CCDC7: variants seen among roughly 807,000 people sequenced by gnomAD.
CCDC7 encodes the protein coiled-coil domain-containing protein 7.
Under a neutral mutation model 196.9 loss-of-function variants are expected in CCDC7, and 183 were observed. The ratio of observed to expected loss-of-function variants is 0.93; its 90% CI spans 0.82 to 1.05. CCDC7 has a LOEUF of 1.05. Ranked by LOEUF, CCDC7 falls within the 50% of genes least tolerant of loss-of-function variation. The probability of loss-of-function intolerance (pLI) is 0.00; values close to 1 mark genes in which losing one functional copy is unlikely to be tolerated. For missense variants in CCDC7, 1,540 were observed against 1,482.2 expected (o/e 1.04, Z -0.64); for synonymous variants, 525 against 484.6 (o/e 1.08, Z -1.10).
At chr10:32,607,127 G>A (rs2061635020) in intron 18 of CCDC7, among the ~76,000 whole-genome samples, 2 of 152,184 alleles carry the variant, frequency 1.3e-5, no homozygotes, top group Middle Eastern at 3.4e-3. Flanking sequence ...CATCTCCCCT[G>A]ACCCATCTTG....
chr10:32,705,010 G>T (rs747885241), intron 24 of CCDC7, among the ~76,000 whole-genome samples: 1 of 152,038 alleles, frequency 6.6e-6, no homozygotes, highest in Non-Finnish European at 1.5e-5. Context: ...AGTGCGCTGC[G>T]CCCACTGTCC....
intron 28 of CCDC7, among the ~76,000 whole-genome samples, chr10:32,761,087 C>T (rs926773171): frequency 1.3e-5 from 2 of 151,978 alleles, no homozygotes; most frequent in Middle Eastern, 3.2e-3. Flanking sequence ...TTATGGCACT[C>T]CCAATCATTG....
intron 18 of CCDC7, among the ~76,000 whole-genome samples, chr10:32,595,508 T>C (rs962249551): frequency 2.6e-5 from 4 of 152,328 alleles, no homozygotes; most frequent in Non-Finnish European, 5.9e-5. Context: ...CCTGGATTCA[T>C]TGATTTTTTG....
chr10:32,495,524 G>A (rs2042781126), intron 9 of CCDC7, among the ~76,000 whole-genome samples: 1 of 152,116 alleles, frequency 6.6e-6, no homozygotes, highest in Admixed American at 6.5e-5. Context: ...ATGGTTTTAG[G>A]TCTTACGTTT....
At chr10:32,689,569 G>A (rs914478459) in intron 23 of CCDC7, among the ~76,000 whole-genome samples, 2 of 152,100 alleles carry the variant, frequency 1.3e-5, no homozygotes, top group African/African-American at 4.8e-5. Flanking sequence ...CCTAGGGAAA[G>A]GTAACCTAGG....
intron 28 of CCDC7, among the ~76,000 whole-genome samples, chr10:32,746,419 G>A (rs972549402): frequency 1.3e-5 from 2 of 152,208 alleles, no homozygotes; most frequent in Admixed American, 1.3e-4. Context: ...AGGGGTCTAG[G>A]CTGTGTGGAT....
intron 5 of CCDC7, among the ~76,000 whole-genome samples, chr10:32,470,180 T>TG (rs2037653268): frequency 6.6e-6 from 1 of 152,204 alleles, no homozygotes; most frequent in Non-Finnish European, 1.5e-5. Context: ...ATGAAGTCTC[T>TG]GTTCTAAATC....
At chr10:32,671,350 TTAGTA>T (rs1203464881) in intron 21 of CCDC7, among the ~76,000 whole-genome samples, 1 of 152,198 alleles carries the variant, frequency 6.6e-6, no homozygotes, top group Non-Finnish European at 1.5e-5. Flanking sequence ...AATACAGTAT[TTAGTA>T]TAGTAACATA....
chr10:32,578,066 T>TA (rs1450263205), intron 16 of CCDC7, among the ~76,000 whole-genome samples: 3 of 152,228 alleles, frequency 2.0e-5, no homozygotes, highest in East Asian at 3.8e-4. Context: ...GTTTGAAAGA[T>TA]ACGGCAAAAT....
chr10:32,828,473 GGAAGAGGAAGAGGAAGAA>G (rs1565633768), intron 32 of CCDC7, among the ~76,000 whole-genome samples: 3 of 45,336 alleles, frequency 6.6e-5, no homozygotes. Flanking sequence ...AAGAGGAAGA[GGAAGAGGAAGAGGAAGAA>G]GAAGAAGAAG....
chr10:32,805,985 G>A lies in CCDC7; in HGVS notation c.3097+887G>A, dbSNP rs536822770. On this transcript the variant is annotated intron_variant, in intron 30 of 41. Coordinates refer to ENST00000639629, the Ensembl canonical transcript of CCDC7. Reference sequence around the variant, plus strand: ...TTACATGACAAGAGCAGGAGCAAGAGAAAGAAGGGGGAAGGTGCTACATAC... The same window carrying A: ...TTACATGACAAGAGCAGGAGCAAGAAAAAGAAGGGGGAAGGTGCTACATAC... Among the ~76,000 whole-genome samples, 4 of 152,278 alleles carry A rather than the reference G, an allele frequency of 2.6e-5. No homozygotes were observed. In the South Asian group the frequency reaches 6.2e-4, roughly 24 times the overall value.
At chr10:32,815,312 T>A (rs570543403) in intron 31 of CCDC7, among the ~76,000 whole-genome samples, 2 of 152,164 alleles carry the variant, frequency 1.3e-5, no homozygotes, top group South Asian at 4.2e-4. Flanking sequence ...ATAATAATAA[T>A]AATATCATCA....
At chr10:32,694,407 T>C (rs192014410) in intron 23 of CCDC7, among the ~76,000 whole-genome samples, 1 of 152,354 alleles carries the variant, frequency 6.6e-6, no homozygotes, top group East Asian at 1.9e-4. Flanking sequence ...AAAATGGGTT[T>C]CATTATGTGT....
chr10:32,516,140 A>G lies in CCDC7; in HGVS notation c.873-1805A>G, dbSNP rs116864551. 5.4e-4 allele frequency among the ~76,000 whole-genome samples: 82 copies of G among 152,358 alleles called. 1 individual carries two copies. The highest frequency in any genetic ancestry group is 6.2e-4 in the South Asian group (3 of 4,830). ...TATCTGCTAAAGTACTTAGAAGAAT[A>G]TATAAAGAACTCTTATACCTCAATA... is the stretch of plus-strand genomic sequence containing the variant. On this transcript the variant is annotated intron_variant, in intron 9 of 41. Coordinates refer to ENST00000639629, the Ensembl canonical transcript of CCDC7.
chr10:32,715,308 C>T (rs937191208), intron 25 of CCDC7, among the ~76,000 whole-genome samples: 1 of 152,088 alleles, frequency 6.6e-6, no homozygotes, highest in African/African-American at 2.4e-5. Context: ...GAAGAGGGGC[C>T]GGACTGTTAG....
intron 29 of CCDC7, among the ~76,000 whole-genome samples, chr10:32,787,918 G>A (rs1037340952): frequency 6.6e-6 from 1 of 152,216 alleles, no homozygotes; most frequent in African/African-American, 2.4e-5. Flanking sequence ...TACAGATGGA[G>A]CCTTCAGGCC....
At chr10:32,582,305 T>C (rs1006161966) in intron 16 of CCDC7, among the ~76,000 whole-genome samples, 3 of 151,782 alleles carry the variant, frequency 2.0e-5, no homozygotes, top group African/African-American at 7.3e-5. Flanking sequence ...TTAAACACTT[T>C]GCAACAAACC....
At position 32,470,975 on chromosome 10, in the gene CCDC7, T is replaced by C. The variant is rs180804837; in HGVS notation, c.511-89T>C. The C allele has an allele frequency of 1.6e-3, 1,998 of 1,252,856 alleles. 9 individuals are homozygous for C. The highest frequency in any genetic ancestry group is 1.0e-3 in the Non-Finnish European group (982 of 939,148). 77.6% of individuals were successfully genotyped at this position (1,252,856 alleles called of 1,614,324 possible). ...GATAAGAAAAATATAAAAATTACTT[T>C]GATTTAATAAAGGAGATAATGAAAT... On this transcript the variant is annotated intron_variant, in intron 5 of 41. Coordinates refer to ENST00000639629, the Ensembl canonical transcript of CCDC7.
intron 41 of CCDC7, among the ~76,000 whole-genome samples, chr10:32,867,929 T>A (rs574661828): frequency 1.4e-4 from 22 of 152,052 alleles, no homozygotes; most frequent in Admixed American, 8.5e-4. Context: ...CCTTATCTCC[T>A]ACCCCCAGTT....
Sources: gnomAD v4.1 joint callset for allele counts (sites outside exome capture counted in the v4.1 genomes callset) on GRCh38, gnomAD v4.1.1 for gene constraint, MANE v1.5 for transcripts, NCBI Gene and HGNC (gene_info 2026-07-23, HGNC 2026-07-21) for gene names.